The following KMT2E variants were observed in gnomAD, a reference collection of about 807,000 sequenced individuals.
KMT2E encodes the protein histone reader KMT2E.
In KMT2E, 30 loss-of-function variants were observed where a neutral mutation model predicts 184.6. The ratio of observed to expected loss-of-function variants is 0.16; its 90% CI spans 0.12 to 0.22. KMT2E has a LOEUF of 0.22. Ranked by LOEUF, KMT2E falls within the 10% of genes least tolerant of loss-of-function variation. The probability of loss-of-function intolerance (pLI) is 1.00; values close to 1 mark genes in which losing one functional copy is unlikely to be tolerated. For synonymous variants in KMT2E, 815 were observed against 776.5 expected (o/e 1.05, Z -0.82); for missense variants, 2,023 against 2,237.4 (o/e 0.90, Z 1.93).
At chr7:105,031,596 A>G (rs1795421194) in intron 1 of KMT2E, among the ~76,000 whole-genome samples, 1 of 151,466 alleles carries the variant, frequency 6.6e-6, no homozygotes. Flanking sequence ...TACTAAAAAT[A>G]CAAAAATTAG....
At chr7:105,039,879 G>T (rs889597759) in intron 2 of KMT2E, among the ~76,000 whole-genome samples, 2 of 152,002 alleles carry the variant, frequency 1.3e-5, no homozygotes, top group African/African-American at 4.8e-5. Context: ...TATAATTTTT[G>T]AAAAGACTTT....
chr7:105,045,477 AC>A (rs929344268), intron 3 of KMT2E, among the ~76,000 whole-genome samples: 5 of 152,004 alleles, frequency 3.3e-5, no homozygotes, highest in African/African-American at 9.7e-5. Flanking sequence ...GTACCTCATA[AC>A]CTCTATTGTA....
Position 105,035,194 on chromosome 7 carries a change from T to A in KMT2E, c.-188-2932T>A, listed in dbSNP as rs1182039559. On this transcript the variant is annotated intron_variant, in intron 1 of 26. Coordinates refer to ENST00000311117, the MANE Select transcript of KMT2E (RefSeq NM_182931.3). ...CGCCCACCACCAAGCCTGGCTAATT[T>A]TTTTTTTTTTTGTATTTTTAGTAGA... is the stretch of plus-strand genomic sequence containing the variant. Among the ~76,000 whole-genome samples the A allele has an allele frequency of 2.6e-5, 4 of 151,166 alleles. No individual in the cohort carries two copies. The South Asian group carries it at 6.2e-4, about 24-fold the overall frequency.
chr7:105,071,596 A>G (rs1399271172), intron 6 of KMT2E, among the ~76,000 whole-genome samples: 19 of 59,934 alleles, frequency 3.2e-4, no homozygotes, highest in African/African-American at 1.3e-3. Flanking sequence ...ATATATATAT[A>G]TATATATATA....
rs148290073 is a variant in KMT2E at position 105,096,696 on chromosome 7, G to C, written c.1723-4729G>C. Among the ~76,000 whole-genome samples, 99 of 152,338 alleles carry C rather than the reference G, an allele frequency of 6.5e-4. 2 individuals carry two copies. Among genetic ancestry groups the C allele is most frequent in the African/African-American group, 2.3e-3 (96 of 41,562 alleles). On this transcript the variant is annotated intron_variant, in intron 15 of 26. Transcript: ENST00000311117. ...TAGACCATCAATAAATGAGCTAACT[G>C]AATGTTTATAACAACCACTTGAGGA...
At chr7:105,106,227 C>G (rs1369655823) in intron 19 of KMT2E, among the ~76,000 whole-genome samples, 1 of 152,152 alleles carries the variant, frequency 6.6e-6, no homozygotes, top group Non-Finnish European at 1.5e-5. Flanking sequence ...GGACTGGCTG[C>G]TTTTCAGACA....
intron 1 of KMT2E, among the ~76,000 whole-genome samples, chr7:105,026,482 C>A (rs1202065632): frequency 6.6e-6 from 1 of 152,160 alleles, no homozygotes; most frequent in East Asian, 1.9e-4. Context: ...ATCATAGTAG[C>A]TATTAATTTT....
chr7:105,070,511 G>A (rs771404834), intron 6 of KMT2E, among the ~76,000 whole-genome samples: 1 of 151,264 alleles, frequency 6.6e-6, no homozygotes, highest in African/African-American at 2.4e-5. Flanking sequence ...GCAGGTGCTT[G>A]TAATCCCAGC....
intron 11 of KMT2E, 198 bp downstream of exon 11, chr7:105,077,631 G>A (rs1037883884): frequency 3.9e-6 from 2 of 513,018 alleles, no homozygotes; most frequent in Non-Finnish European, 6.9e-6. Context: ...AAAATGCAAA[G>A]ATATATTCCG....
intron 13 of KMT2E, among the ~76,000 whole-genome samples, chr7:105,087,407 G>T (rs2129568743): frequency 6.7e-6 from 1 of 149,136 alleles, no homozygotes; most frequent in Non-Finnish European, 1.5e-5. Context: ...ATTCATGAAT[G>T]CAGAGGTCTT....
intron 26 of KMT2E, 75 bp from the exon 27 acceptor site, chr7:105,111,750 T>C: frequency 6.7e-7 from 1 of 1,486,192 alleles, no homozygotes; most frequent in Non-Finnish European, 9.0e-7. Context: ...TAGGTAGTAT[T>C]AAATACCAAC....
intron 12 of KMT2E, among the ~76,000 whole-genome samples, chr7:105,080,715 A>G (rs895797492): frequency 1.3e-5 from 2 of 152,328 alleles, no homozygotes; most frequent in South Asian, 4.1e-4. Flanking sequence ...TATTGCACTC[A>G]TCAAACCTAA....
At chr7:105,035,325 C>T (rs1374978102) in intron 1 of KMT2E, among the ~76,000 whole-genome samples, 2 of 151,802 alleles carry the variant, frequency 1.3e-5, no homozygotes, top group African/African-American at 4.8e-5. Flanking sequence ...AGCCACTGCG[C>T]CTGGCCTAAT....
chr7:105,090,059 T>G lies in KMT2E; in HGVS notation c.1409T>G (p.Val470Gly). The change falls in exon 14 of 27, where the codon GTT becomes GGT. Residue 470 changes from valine to glycine, a missense_variant. Val to Gly is a moderately radical substitution (Grantham distance 109). Around this residue, in one of 8 missense-constraint regions of KMT2E, gnomAD observed 514 missense variants for 621.8 expected, o/e 0.83. Coordinates refer to ENST00000311117, the MANE Select transcript of KMT2E (RefSeq NM_182931.3). The part of the protein sequence containing the change: ...ACLKENPECP[V>G]LKRSSESMEN... ...CTCAAAGAAAACCCAGAGTGCCCTG[T>G]TCTAAAACGTAGTTCTGAATCCATG... 2 of 1,613,790 alleles carry G rather than the reference T, an allele frequency of 1.2e-6. No homozygotes were observed. The highest frequency in any genetic ancestry group is 1.7e-6 in the Non-Finnish European group (2 of 1,179,894).
chr7:105,110,420 A>C (rs924142216), intron 24 of KMT2E, 52 bp downstream of exon 24: 1 of 1,614,012 alleles, frequency 6.2e-7, no homozygotes, highest in Non-Finnish European at 8.5e-7. Flanking sequence ...ATCACTCTGC[A>C]TCCTCGTTCT....
chr7:105,032,181 A>G (rs550585555), intron 1 of KMT2E, among the ~76,000 whole-genome samples: 4 of 151,384 alleles, frequency 2.6e-5, no homozygotes, highest in African/African-American at 9.7e-5. Context: ...TGGTGGCTCA[A>G]GCCTGTAATC....
At chr7:105,051,799 A>C (rs1796359408) in intron 3 of KMT2E, among the ~76,000 whole-genome samples, 1 of 151,558 alleles carries the variant, frequency 6.6e-6, no homozygotes, top group Admixed American at 6.6e-5. Flanking sequence ...TTATATTTTT[A>C]ACAGGATTTC....
At chr7:105,066,434 G>A (rs1797029220) in intron 5 of KMT2E, among the ~76,000 whole-genome samples, 1 of 152,008 alleles carries the variant, frequency 6.6e-6, no homozygotes, top group African/African-American at 2.4e-5. Flanking sequence ...TACAAATAGT[G>A]TGGCCGTCTC....
chr7:105,110,252 A>G (rs1313156169), intron 23 of KMT2E, 28 bp from the exon 24 acceptor site: 1 of 1,571,814 alleles, frequency 6.4e-7, no homozygotes, highest in African/African-American at 1.3e-5. Context: ...TTCTTTCAAT[A>G]GAGGATAATG....
Sources: gnomAD v4.1 joint callset for allele counts (sites outside exome capture counted in the v4.1 genomes callset) on GRCh38, gnomAD v4.1.1 for gene constraint, gnomAD v4.1.1 regional missense constraint, MANE v1.5 for transcripts, NCBI Gene and HGNC (gene_info 2026-07-23, HGNC 2026-07-21) for gene names.